BMPER: variants seen among roughly 807,000 people sequenced by gnomAD.
The protein encoded by BMPER is BMP binding endothelial regulator.
In BMPER, 45 loss-of-function variants were observed where a neutral mutation model predicts 87.3. The ratio of observed to expected loss-of-function variants is 0.52; its 90% CI spans 0.41 to 0.66. The LOEUF (loss-of-function observed/expected upper bound fraction) is 0.66, where lower values mean the gene tolerates loss of function less well. BMPER is among the 30% of genes least tolerant of loss of function. The probability of loss-of-function intolerance (pLI) is 0.00; values close to 1 mark genes in which losing one functional copy is unlikely to be tolerated. For missense variants in BMPER, 784 were observed against 867.5 expected, an observed-to-expected ratio of 0.90 and a Z score of 1.21; for synonymous variants, 326 against 316.2, an observed-to-expected ratio of 1.03 and a Z score of -0.33.
At chr7:34,024,293 G>A (rs534378074) in intron 6 of BMPER, among the ~76,000 whole-genome samples, 2 of 138,636 alleles carry the variant, frequency 1.4e-5, no homozygotes, top group East Asian at 4.5e-4. Context: ...AGGAGGCAGA[G>A]GTTGTAGTGA....
chr7:34,147,974 G>T (rs1187696210), intron 14 of BMPER, among the ~76,000 whole-genome samples: 1 of 152,110 alleles, frequency 6.6e-6, no homozygotes, highest in Non-Finnish European at 1.5e-5. Context: ...GGCAAATCCG[G>T]TGATGTCACT....
chr7:33,958,895 G>T (rs1785206586), intron 3 of BMPER, among the ~76,000 whole-genome samples: 1 of 152,142 alleles, frequency 6.6e-6, no homozygotes. Context: ...CAAGGGTGGG[G>T]CCAGGTGGAG....
rs73316032 is a variant in BMPER, at chr7:33,972,615, G to T, written c.494-2087G>T. Reference sequence around the variant, plus strand: ...TGAGTGAGTAAGGGCCAAAGGTGAGGTTGGGATCTGGCCCTTTCTCTTTTC... The same window carrying T: ...TGAGTGAGTAAGGGCCAAAGGTGAGTTTGGGATCTGGCCCTTTCTCTTTTC... On this transcript the variant is annotated intron_variant, in intron 5 of 14. Coordinates refer to ENST00000649409, the MANE Select transcript of BMPER (RefSeq NM_001365308.1). Among the ~76,000 whole-genome samples, 871 of 152,074 alleles carry T rather than the reference G, an allele frequency of 5.7e-3. 4 individuals carry two copies. The highest frequency in any genetic ancestry group is 0.02 in the African/African-American group (818 of 41,472).
At chr7:33,943,639 G>C (rs1784817201) in intron 3 of BMPER, among the ~76,000 whole-genome samples, 1 of 152,152 alleles carries the variant, frequency 6.6e-6, no homozygotes, top group Non-Finnish European at 1.5e-5. Flanking sequence ...CTCCAAAAAA[G>C]ACAAGGCTAT....
intron 13 of BMPER, 132 bp downstream of exon 13, chr7:34,086,224 TC>T: frequency 9.6e-7 from 1 of 1,037,590 alleles, no homozygotes; most frequent in Non-Finnish European, 1.4e-6. Context: ...CTTCTTGCTG[TC>T]CAGGAGCTGA....
At chr7:33,940,833 C>T (rs1076043) in intron 3 of BMPER, among the ~76,000 whole-genome samples, 51,327 of 140,752 alleles carry the variant, frequency 0.36, 9,709 homozygotes, top group African/African-American at 0.46. Context: ...ATATATATTA[C>T]ATATATTTAT....
chr7:33,970,768 C>T (rs1446599427), intron 5 of BMPER, among the ~76,000 whole-genome samples: 1 of 152,126 alleles, frequency 6.6e-6, no homozygotes, highest in Non-Finnish European at 1.5e-5. Context: ...GGCCAGAGCT[C>T]GCCATGGTGA....
At chr7:33,905,167 A>C (rs180818635), upstream of BMPER, 3,173 of 257,266 alleles carry the variant, frequency 0.012, 106 homozygotes, top group African/African-American at 0.07. Context: ...GGAGTGGAGG[A>C]CGCTGCGGCA....
At chr7:33,948,934 TGAGAGAGA>T (rs370365732) in intron 3 of BMPER, among the ~76,000 whole-genome samples, 7 of 146,676 alleles carry the variant, frequency 4.8e-5, no homozygotes, top group East Asian at 2.0e-4. Flanking sequence ...AGAGAGAAAG[TGAGAGAGA>T]GAGAGAGAGA....
At chr7:33,981,170 G>A (rs543997318) in intron 6 of BMPER, among the ~76,000 whole-genome samples, 1 of 152,254 alleles carries the variant, frequency 6.6e-6, no homozygotes, top group South Asian at 2.1e-4. Flanking sequence ...CCAGCAACGT[G>A]GACCTCACCT....
chr7:34,010,386 A>C (rs780301211), intron 6 of BMPER, among the ~76,000 whole-genome samples: 6 of 152,016 alleles, frequency 3.9e-5, no homozygotes, highest in South Asian at 2.1e-4. Flanking sequence ...TTAGTTATAC[A>C]TACATATTTA....
At chr7:34,086,170 T>C (rs1205102325) in intron 13 of BMPER, 78 bp downstream of exon 13, 11 of 1,497,398 alleles carry the variant, frequency 7.3e-6, no homozygotes, top group African/African-American at 1.4e-5. Flanking sequence ...GTGTATGAAA[T>C]CTCTTGTTGT....
chr7:33,959,484 A>T (rs1285291321), intron 3 of BMPER, among the ~76,000 whole-genome samples: 2 of 151,998 alleles, frequency 1.3e-5, no homozygotes, highest in Admixed American at 1.3e-4. Context: ...GCCTGTTGAG[A>T]GGCAATGAGA....
intron 6 of BMPER, among the ~76,000 whole-genome samples, chr7:33,993,958 G>T (rs1227600763): frequency 2.0e-5 from 3 of 152,218 alleles, no homozygotes; most frequent in Non-Finnish European, 4.4e-5. Context: ...GGACCCACTT[G>T]AGGAGGCAGT....
In BMPER at chr7:33,968,672, G is replaced by A. The variant is rs536957890; in HGVS notation, c.403-1657G>A. Among the ~76,000 whole-genome samples the A allele has an allele frequency of 8.5e-5, 13 of 152,314 alleles. No individual in the cohort carries two copies. In the South Asian group the frequency reaches 2.3e-3, roughly 27 times the overall value. ...CTGTTAAAAATGCTTCTGGTAGAGC[G>A]CCTGCATGGACTGGGTACAACAAGG... On this transcript the variant is annotated intron_variant, in intron 4 of 14. Coordinates refer to ENST00000649409, the MANE Select transcript of BMPER (RefSeq NM_001365308.1).
At chr7:34,144,417 T>G (rs190178695) in intron 14 of BMPER, among the ~76,000 whole-genome samples, 2 of 150,278 alleles carry the variant, frequency 1.3e-5, no homozygotes, top group Non-Finnish European at 3.0e-5. Flanking sequence ...AGCAAGCCTC[T>G]TTCTGCTTTC....
intron 6 of BMPER, among the ~76,000 whole-genome samples, chr7:33,986,573 A>T (rs1786016723): frequency 6.6e-6 from 1 of 152,170 alleles, no homozygotes; most frequent in Non-Finnish European, 1.5e-5. Flanking sequence ...TACATGAAAG[A>T]TTCATGATAA....
At chr7:33,957,241 C>T (rs143107957) in intron 3 of BMPER, among the ~76,000 whole-genome samples, 1 of 151,532 alleles carries the variant, frequency 6.6e-6, no homozygotes, top group African/African-American at 2.4e-5. Context: ...TGTGGTATAT[C>T]CATACCAAGG....
chr7:34,004,728 C>T (rs1786680586), intron 6 of BMPER, among the ~76,000 whole-genome samples: 1 of 152,118 alleles, frequency 6.6e-6, no homozygotes, highest in African/African-American at 2.4e-5. Context: ...TGTCTTGAAC[C>T]AGTACGACTC....
Sources: gnomAD v4.1 joint callset for allele counts (sites outside exome capture counted in the v4.1 genomes callset) on GRCh38, gnomAD v4.1.1 for gene constraint, MANE v1.5 for transcripts, NCBI Gene and HGNC (gene_info 2026-07-23, HGNC 2026-07-21) for gene names.